ZSWIM5: variants seen among roughly 807,000 people sequenced by gnomAD.
ZSWIM5 encodes zinc finger SWIM-type containing 5, also known as zinc finger SWIM domain-containing protein 5.
In ZSWIM5, 55 loss-of-function variants were observed where a neutral mutation model predicts 119.6. That is an observed-to-expected ratio of 0.46 (90% CI 0.37 to 0.58). The LOEUF (loss-of-function observed/expected upper bound fraction) is 0.58. ZSWIM5 is among the 20% of genes least tolerant of loss of function. ZSWIM5 has a pLI of 0.00. For missense variants in ZSWIM5, 1,193 were observed against 1,512.8 expected (o/e 0.79, Z 3.51); for synonymous variants, 537 against 606.9 (o/e 0.88, Z 1.69).
rs148851071 is a variant in ZSWIM5 at position 45,170,666 on chromosome 1, C to A, written c.595+35090G>T. Among the ~76,000 whole-genome samples the A allele has an allele frequency of 1.6e-3, 243 of 152,036 alleles. 1 individual carries two copies. Among genetic ancestry groups the A allele is most frequent in the Non-Finnish European group, 2.5e-3 (169 of 67,950 alleles). ...CTGGCTTTGAACTCCTTGCCTCAAG[C>A]GATCCTCTTGCCTTGGCCTTCCAAA... On this transcript the variant is annotated intron_variant, in intron 1 of 13. Transcript: ENST00000359600.
intron 2 of ZSWIM5, among the ~76,000 whole-genome samples, chr1:45,062,908 T>C (rs1055011711): frequency 1.3e-5 from 2 of 152,178 alleles, no homozygotes; most frequent in African/African-American, 4.8e-5. Flanking sequence ...GGGGTAAAAA[T>C]GATCCCATCA....
At chr1:45,161,931 T>C (rs1645865921) in intron 1 of ZSWIM5, among the ~76,000 whole-genome samples, 1 of 152,196 alleles carries the variant, frequency 6.6e-6, no homozygotes, top group Non-Finnish European at 1.5e-5. Context: ...TGCACTGAAA[T>C]TATCTATTCA....
chr1:45,172,321 C>T (rs1301577823), intron 1 of ZSWIM5, among the ~76,000 whole-genome samples: 1 of 151,956 alleles, frequency 6.6e-6, no homozygotes, highest in African/African-American at 2.4e-5. Flanking sequence ...AAAATATCAA[C>T]TTCAATTGGT....
intron 1 of ZSWIM5, among the ~76,000 whole-genome samples, chr1:45,155,599 C>G (rs1398069518): frequency 2.0e-5 from 3 of 152,146 alleles, no homozygotes; most frequent in Non-Finnish European, 4.4e-5. Context: ...GCGCTATAAA[C>G]CTGCAACTGC....
chr1:45,201,822 T>C (rs1258102219), intron 1 of ZSWIM5, among the ~76,000 whole-genome samples: 2 of 152,186 alleles, frequency 1.3e-5, no homozygotes, highest in African/African-American at 2.4e-5. Flanking sequence ...GTAACACTCA[T>C]ACTACTTAAT....
intron 1 of ZSWIM5, among the ~76,000 whole-genome samples, chr1:45,113,452 C>T (rs772912397): frequency 7.9e-5 from 12 of 152,164 alleles, no homozygotes; most frequent in Admixed American, 2.0e-4. Context: ...AATCCTCCCA[C>T]CTCAGCCTCC....
intron 2 of ZSWIM5, among the ~76,000 whole-genome samples, chr1:45,081,267 CTCTCCCTCTCCCCATGG>C (rs1328152902): frequency 2.9e-4 from 43 of 148,874 alleles, no homozygotes; most frequent in South Asian, 2.2e-3. Context: ...CTCCCTCTCC[CTCTCCCTCTCCCCATGG>C]TCTCCCTCTC....
chr1:45,039,403 T>C (rs113155027), intron 7 of ZSWIM5, among the ~76,000 whole-genome samples: 15 of 152,302 alleles, frequency 9.8e-5, no homozygotes, highest in African/African-American at 3.6e-4. Context: ...AATTTATTTT[T>C]GAGACAGAGT....
intron 1 of ZSWIM5, among the ~76,000 whole-genome samples, chr1:45,109,187 G>A (rs1178068697): frequency 1.3e-5 from 2 of 152,154 alleles, no homozygotes; most frequent in Non-Finnish European, 2.9e-5. Flanking sequence ...ACATTCTACA[G>A]TAACCTGATT....
In ZSWIM5 at chr1:45,020,723, T is replaced by G; in HGVS notation, c.2515A>C (p.Ile839Leu). ...AATGCATCTTGGGCCAGTTTGAAGA[T>G]GAGGGAGGAAGAATGAATGTGCTTC... ...IQKHIHSSSL[I>L]FKLAQDAFKI... is the part of the protein sequence containing the mutation. The change falls in exon 12 of 14, where the codon ATC becomes CTC. Residue 839 changes from isoleucine to leucine, a missense_variant. Physicochemically the swap from Ile to Leu is conservative, Grantham distance 5. Around this residue, in one of 2 missense-constraint regions of ZSWIM5, gnomAD observed 961 missense variants for 1,290.0 expected, o/e 0.74. Coordinates refer to ENST00000359600, the MANE Select transcript of ZSWIM5 (RefSeq NM_020883.2). 1 of 1,614,158 alleles carries G rather than the reference T, an allele frequency of 6.2e-7. No homozygotes were observed. Among genetic ancestry groups the G allele is most frequent in the Non-Finnish European group, 8.5e-7 (1 of 1,180,036 alleles).
At chr1:45,034,222 T>TTC in intron 11 of ZSWIM5, 90 bp downstream of exon 11, 1 of 1,428,942 alleles carries the variant, frequency 7.0e-7, no homozygotes, top group South Asian at 1.5e-5. Flanking sequence ...GAGCTTCTCT[T>TTC]TCTCAGGAGA....
rs372277566 is a variant in ZSWIM5, at chr1:45,036,138, A to G, written c.2056T>C (p.Cys686Arg). ...PEGLYAQDKV[C>R]RNEEQLLSQL... ...CTCAGGAGCTGCTCCTCATTACGGC[A>G]TACCTTGTCCTGTGCGTAGAGGCCT... Residue 686 changes from cysteine to arginine, a missense_variant, in exon 9 of 14, where the codon TGC becomes CGC. Transcript: ENST00000359600. 64 of 1,613,944 alleles carry G rather than the reference A, an allele frequency of 4.0e-5. No homozygotes were observed. Among genetic ancestry groups the G allele is most frequent in the Non-Finnish European group, 5.0e-5 (59 of 1,180,028 alleles).
At chr1:45,087,390 C>T (rs901702687) in intron 2 of ZSWIM5, among the ~76,000 whole-genome samples, 4 of 152,172 alleles carry the variant, frequency 2.6e-5, no homozygotes, top group African/African-American at 9.7e-5. Flanking sequence ...AATGAGTGAA[C>T]ATAAACTCTT....
chr1:45,193,377 A>T (rs571018649), intron 1 of ZSWIM5, among the ~76,000 whole-genome samples: 1 of 152,292 alleles, frequency 6.6e-6, no homozygotes, highest in Non-Finnish European at 1.5e-5. Context: ...AATAAATTAG[A>T]TTGTAAATTA....
intron 2 of ZSWIM5, chr1:45,070,205 CAAGA>C (rs1645213050): frequency 3.5e-6 from 5 of 1,434,992 alleles, no homozygotes; most frequent in South Asian, 3.4e-5. Context: ...CTTTGTAGGC[CAAGA>C]AAGCTACTGG....
At chr1:45,186,960 C>T (rs908203803) in intron 1 of ZSWIM5, among the ~76,000 whole-genome samples, 3 of 152,090 alleles carry the variant, frequency 2.0e-5, no homozygotes, top group African/African-American at 7.2e-5. Flanking sequence ...TGTTTTAAAC[C>T]ACTAAGTTCA....
chr1:45,023,506 T>C (rs968086947), intron 11 of ZSWIM5, among the ~76,000 whole-genome samples: 6 of 150,406 alleles, frequency 4.0e-5, no homozygotes, highest in African/African-American at 1.5e-4. Context: ...CCATGTCTCT[T>C]TTTTTTTTTT....
intron 1 of ZSWIM5, among the ~76,000 whole-genome samples, chr1:45,115,767 G>A (rs2149025705): frequency 6.7e-6 from 1 of 148,902 alleles, no homozygotes; most frequent in African/African-American, 2.5e-5. Flanking sequence ...TCACTTCCCA[G>A]GCTGGGCGGC....
At chr1:45,070,471 TC>T in intron 2 of ZSWIM5, 1 of 1,003,064 alleles carries the variant, frequency 1.0e-6, no homozygotes. Flanking sequence ...AATTTTATGT[TC>T]CAACAATTCT....
Sources: allele counts gnomAD v4.1 joint callset (sites outside exome capture counted in the v4.1 genomes callset), GRCh38; gene constraint gnomAD v4.1.1; regional missense constraint gnomAD v4.1.1; transcripts MANE v1.5; gene names NCBI Gene and HGNC (gene_info 2026-07-23, HGNC 2026-07-21).